Variants in OR6Y1 observed in about 807,000 individuals in gnomAD.
The protein encoded by OR6Y1 is olfactory receptor 6Y1.
OR6Y1 carries 1 observed loss-of-function variant against 0.4 expected under a neutral mutation model. The ratio of observed to expected loss-of-function variants is 2.74; its 90% CI spans 0.97 to 13.02. The LOEUF (loss-of-function observed/expected upper bound fraction) is 13.02. OR6Y1 is among the 30% of genes most tolerant of loss of function. The pLI is 0.12. For synonymous variants in OR6Y1, 173 were observed against 141.1 expected, an observed-to-expected ratio of 1.23 and a Z score of -1.60; for missense variants, 480 against 399.8, an observed-to-expected ratio of 1.20 and a Z score of -1.71.
chr1:158,547,485 CAAG>C lies in OR6Y1; in HGVS notation c.618_620del (p.Phe206del), dbSNP rs1412766429. ...GAGGAATAGCAATGACCATGAGGGC[CAAG>C]AAGAAGTCCACCATCTCAGCCTGTG... On this transcript the variant is annotated inframe_deletion, in exon 2 of 2. Transcript: ENST00000641622. 3 of 1,613,346 alleles carry C rather than the reference CAAG, an allele frequency of 1.9e-6. No homozygotes were observed. The highest frequency in any genetic ancestry group is 2.5e-6 in the Non-Finnish European group (3 of 1,179,966).
chr1:158,552,612 T>A (rs1243882348), intron 1 of OR6Y1, among the ~76,000 whole-genome samples: 1 of 152,030 alleles, frequency 6.6e-6, no homozygotes, highest in East Asian at 1.9e-4. Context: ...GTCAAATTGC[T>A]CCTGGTAATG....
intron 1 of OR6Y1, among the ~76,000 whole-genome samples, chr1:158,551,609 A>C (rs1222782488): frequency 2.6e-5 from 4 of 151,714 alleles, no homozygotes; most frequent in African/African-American, 9.7e-5. Flanking sequence ...CCCGATTCTC[A>C]AGAAGGACAA....
In OR6Y1 at chr1:158,544,692, C is replaced by G. The variant is rs1235066593; in HGVS notation, c.*2436G>C. On this transcript the variant is annotated 3_prime_UTR_variant, in exon 2 of 2. Coordinates refer to ENST00000641622, the MANE Select transcript of OR6Y1 (RefSeq NM_001005189.2). ...TCTCCTGATCCTCTACCTCCTCCCA[C>G]CCTGCACCCTCTAATGGGCCCCTAC... 6.6e-6 allele frequency: 1 copy of G among 152,192 alleles called. No homozygotes were observed. Among genetic ancestry groups the G allele is most frequent in the Non-Finnish European group, 1.5e-5 (1 of 68,044 alleles). The allele number at this position is 152,192 out of a possible 1,614,324, so 9.4% of individuals were successfully genotyped here.
chr1:158,544,881 G>A lies in OR6Y1; in HGVS notation c.*2247C>T, dbSNP rs1030126126. 2 of 151,930 alleles carry A rather than the reference G, an allele frequency of 1.3e-5. No individual in the cohort carries two copies. The highest frequency in any genetic ancestry group is 4.8e-5 in the African/African-American group (2 of 41,344). The allele number at this position is 151,930 out of a possible 1,614,324, so 9.4% of individuals were successfully genotyped here. A position where few individuals can be genotyped will look rare whatever the true frequency, so the allele number is the denominator to read the frequency against. On this transcript the variant is annotated 3_prime_UTR_variant, in exon 2 of 2. Transcript: ENST00000641622. ...GGACATGATCTAATTTTTTTTTATG[G>A]CTGCATAGTATTTCATGTTGTATAT... is the stretch of plus-strand genomic sequence containing the variant.
chr1:158,544,964 C>G lies in OR6Y1; in HGVS notation c.*2164G>C, dbSNP rs2101705565. The G allele has an allele frequency of 6.6e-6, 1 of 152,170 alleles. No individual in the cohort carries two copies. Among genetic ancestry groups the G allele is most frequent in the South Asian group, 2.1e-4 (1 of 4,820 alleles). The allele number at this position is 152,170 out of a possible 1,614,324, so 9.4% of individuals were successfully genotyped here. A position where few individuals can be genotyped will look rare whatever the true frequency, so the allele number is the denominator to read the frequency against. On this transcript the variant is annotated 3_prime_UTR_variant, in exon 2 of 2. Coordinates refer to ENST00000641622, the MANE Select transcript of OR6Y1 (RefSeq NM_001005189.2). ...ATGGGCATTGTGGTTGGTTCCATGTCTTCGCTATTGTAAATAGTGCTGCAA... is the reference window on the plus strand; with the variant it reads ...ATGGGCATTGTGGTTGGTTCCATGTGTTCGCTATTGTAAATAGTGCTGCAA...
At position 158,547,419 on chromosome 1, in the gene OR6Y1, G is replaced by A; in HGVS notation, c.687C>T (p.Thr229=). The A allele has an allele frequency of 6.2e-7, 1 of 1,613,586 alleles. No homozygotes were observed. The highest frequency in any genetic ancestry group is 1.1e-5 in the South Asian group (1 of 91,082). ...VVASYAAILA[T]ILRIPSAQGR... Reference sequence around the variant, plus strand: ...CCTGAGCAGAAGGGATCCTGAGGATGGTGGCAAGGATAGCAGCGTAGGATG... The same window carrying A: ...CCTGAGCAGAAGGGATCCTGAGGATAGTGGCAAGGATAGCAGCGTAGGATG... The change falls in exon 2 of 2, where the codon ACC becomes ACT. Residue 229 remains threonine (T), a synonymous_variant. Coordinates refer to ENST00000641622, the MANE Select transcript of OR6Y1 (RefSeq NM_001005189.2).
chr1:158,547,722 A>G lies in OR6Y1; in HGVS notation c.384T>C (p.Tyr128=). 1 of 1,613,640 alleles carries G rather than the reference A, an allele frequency of 6.2e-7. No individual in the cohort carries two copies. The part of the protein sequence containing the change: ...ILLAIMAFDR[Y]VAICNPLRYP... ...AGCGTAGTGGATTACAAATGGCTAC[A>G]TAGCGGTCAAAGGCCATGATAGCAA... is the stretch of plus-strand genomic sequence containing the variant. The change falls in exon 2 of 2, where the codon TAT becomes TAC. Residue 128 remains tyrosine, a synonymous_variant. Coordinates refer to ENST00000641622, the MANE Select transcript of OR6Y1 (RefSeq NM_001005189.2).
chr1:158,547,827 A>T lies in OR6Y1; in HGVS notation c.279T>A (p.His93Gln), dbSNP rs1214800408. 1.9e-6 allele frequency: 3 copies of T among 1,613,666 alleles called. No homozygotes were observed. Among genetic ancestry groups the T allele is most frequent in the Admixed American group, 1.7e-5 (1 of 60,000 alleles). The change falls in exon 2 of 2, where the codon CAT (histidine) becomes CAA (glutamine). Residue 93 changes from histidine (H) to glutamine (Q), a missense_variant. Transcript: ENST00000641622. ...SPKMLVDFLS[H>Q]DKSISFNGCM... The stretch of plus-strand genomic sequence containing the variant: ...AGCCATTGAAGGAAATACTCTTGTC[A>T]TGACTGAGGAAGTCAACAAGCATCT...
In OR6Y1 at chr1:158,554,278, A is replaced by C. The variant is rs564089525; in HGVS notation, c.-1445T>G. 1 of 152,362 alleles carries C rather than the reference A, an allele frequency of 6.6e-6. No homozygotes were observed. The highest frequency in any genetic ancestry group is 1.9e-4 in the East Asian group (1 of 5,188). 9.4% of individuals were successfully genotyped at this position (152,362 alleles called of 1,614,324 possible). On this transcript the variant is annotated 5_prime_UTR_variant, in exon 1 of 2. The change creates a new upstream start codon in the 5' untranslated region. Transcript: ENST00000641622. ...TTTTTCAACTCACCATTTTCTCAGG[A>C]ATATAACCCTTTTCCCACCTAGCTT...
intron 1 of OR6Y1, among the ~76,000 whole-genome samples, chr1:158,550,821 A>G (rs539074066): frequency 1.3e-5 from 2 of 151,886 alleles, no homozygotes; most frequent in African/African-American, 4.9e-5. Context: ...TGGAAGTTTT[A>G]TAGCAACTGG....
intron 1 of OR6Y1, among the ~76,000 whole-genome samples, chr1:158,553,286 A>G (rs1045588781): frequency 5.9e-5 from 9 of 152,082 alleles, no homozygotes; most frequent in Admixed American, 5.9e-4. Flanking sequence ...TTTTTGCTCT[A>G]TGGGAATTTT....
chr1:158,551,177 C>T (rs1478288121), intron 1 of OR6Y1, among the ~76,000 whole-genome samples: 1 of 150,930 alleles, frequency 6.6e-6, no homozygotes, highest in Non-Finnish European at 1.5e-5. Context: ...TTTAATGGCA[C>T]TCTATGCAAG....
chr1:158,551,698 AT>A (rs1249132453), intron 1 of OR6Y1, among the ~76,000 whole-genome samples: 2 of 151,522 alleles, frequency 1.3e-5, no homozygotes, highest in African/African-American at 2.4e-5. Flanking sequence ...TTCTCAAAAA[AT>A]ATATATATTT....
In OR6Y1 at chr1:158,547,913, A is replaced by G; in HGVS notation, c.193T>C (p.Tyr65His). ...AAGGAGAGGTGGCTCAAGAAGAAGT[A>G]CATGGGCTTATGCAGCTGCCCATCA... ...HSDGQLHKPM[Y>H]FFLSHLSFLE... The change falls in exon 2 of 2, where the codon TAC becomes CAC. Residue 65 changes from tyrosine (Y) to histidine (H), a missense_variant. Tyr to His is a moderately conservative substitution (Grantham distance 83). Coordinates refer to ENST00000641622, the MANE Select transcript of OR6Y1 (RefSeq NM_001005189.2). 1.4e-5 allele frequency: 22 copies of G among 1,613,546 alleles called. No individual in the cohort carries two copies. Among genetic ancestry groups the G allele is most frequent in the Non-Finnish European group, 1.9e-5 (22 of 1,179,986 alleles).
intron 1 of OR6Y1, among the ~76,000 whole-genome samples, chr1:158,550,157 T>A (rs1027319222): frequency 1.3e-5 from 2 of 151,734 alleles, no homozygotes; most frequent in African/African-American, 4.9e-5. Flanking sequence ...CTGTAGAAGA[T>A]GCCTAGCCTA....
intron 1 of OR6Y1, among the ~76,000 whole-genome samples, chr1:158,551,566 T>C (rs951504484): frequency 6.6e-6 from 1 of 151,722 alleles, no homozygotes; most frequent in African/African-American, 2.4e-5. Flanking sequence ...TCTGTTATCT[T>C]ACACACTTCA....
In OR6Y1 at chr1:158,548,055, G is replaced by T. The variant is rs1008159806; in HGVS notation, c.51C>A (p.Phe17Leu). The T allele has an allele frequency of 1.2e-5, 19 of 1,613,412 alleles. No homozygotes were observed. Among genetic ancestry groups the T allele is most frequent in the Non-Finnish European group, 1.6e-5 (19 of 1,179,970 alleles). Residue 17 changes from phenylalanine to leucine, a missense_variant, in exon 2 of 2, where the codon TTC (phenylalanine) becomes TTA (leucine). Physicochemically the swap from Phe to Leu is conservative, Grantham distance 22. Transcript: ENST00000641622. ...GTCGTGTTGGAAACCCCAGAAGAAT[G>T]AAACGTGTTGTCACTGTATGATTAT... ...EVDNHTVTTR[F>L]ILLGFPTRPA...
chr1:158,547,835 G>A lies in OR6Y1; in HGVS notation c.271C>T (p.Leu91Phe). Residue 91 changes from leucine to phenylalanine, a missense_variant, in exon 2 of 2, where the codon CTC becomes TTC. Physicochemically the swap from Leu to Phe is conservative, Grantham distance 22. Coordinates refer to ENST00000641622, the MANE Select transcript of OR6Y1 (RefSeq NM_001005189.2). ...AAGGAAATACTCTTGTCATGACTGAGGAAGTCAACAAGCATCTTGGGGCTG... is the reference window on the plus strand; with the variant it reads ...AAGGAAATACTCTTGTCATGACTGAAGAAGTCAACAAGCATCTTGGGGCTG... ...VISPKMLVDF[L>F]SHDKSISFNG... 6.2e-7 allele frequency: 1 copy of A among 1,613,602 alleles called. No homozygotes were observed. The highest frequency in any genetic ancestry group is 8.5e-7 in the Non-Finnish European group (1 of 1,180,002).
chr1:158,547,764 G>C lies in OR6Y1; in HGVS notation c.342C>G (p.Cys114Trp), dbSNP rs1245533182. The C allele has an allele frequency of 1.2e-6, 2 of 1,613,540 alleles. No individual in the cohort carries two copies. The highest frequency in any genetic ancestry group is 3.3e-5 in the Admixed American group (2 of 59,982). ...TGATAGCAAGAAGGATGTACTCAGTGCAGACAAAGGTCACAAAAAAGTAAA... is the reference window on the plus strand; with the variant it reads ...TGATAGCAAGAAGGATGTACTCAGTCCAGACAAAGGTCACAAAAAAGTAAA... ...TQLYFFVTFV[C>W]TEYILLAIMA... is the part of the protein sequence containing the mutation. The change falls in exon 2 of 2, where the codon TGC (cysteine) becomes TGG (tryptophan). Residue 114 changes from cysteine (C) to tryptophan (W), a missense_variant. By Grantham distance (215) the Cys-to-Trp change is radical (BLOSUM62 -2). Coordinates refer to ENST00000641622, the MANE Select transcript of OR6Y1 (RefSeq NM_001005189.2).
Sources: gnomAD v4.1 joint callset for allele counts (sites outside exome capture counted in the v4.1 genomes callset) on GRCh38, gnomAD v4.1.1 for gene constraint, MANE v1.5 for transcripts, NCBI Gene and HGNC (gene_info 2026-07-23, HGNC 2026-07-21) for gene names.